Variants in MAML2 observed in about 807,000 individuals in gnomAD.
MAML2 encodes mastermind like transcriptional coactivator 2.
Under a neutral mutation model 96.1 loss-of-function variants are expected in MAML2, and 22 were observed. The observed-to-expected ratio is 0.23, with a 90% CI of 0.16 to 0.33. The LOEUF (loss-of-function observed/expected upper bound fraction) is 0.33. MAML2 is among the 10% of genes least tolerant of loss of function. The probability of loss-of-function intolerance (pLI) is 1.00; values close to 1 mark genes in which losing one functional copy is unlikely to be tolerated. For synonymous variants in MAML2, 561 were observed against 521.3 expected, an observed-to-expected ratio of 1.08 and a Z score of -1.04; for missense variants, 1,367 against 1,392.4, an observed-to-expected ratio of 0.98 and a Z score of 0.29.
chr11:96,093,193 C>A lies in MAML2; in HGVS notation c.838G>T (p.Asp280Tyr), dbSNP rs1054683770. 6 of 1,614,034 alleles carry A rather than the reference C, an allele frequency of 3.7e-6. No homozygotes were observed. The highest frequency in any genetic ancestry group is 5.1e-6 in the Non-Finnish European group (6 of 1,179,908). Residue 280 changes from aspartate (D) to tyrosine (Y), a missense_variant, in exon 2 of 5, where the codon GAT becomes TAT. Transcript: ENST00000524717. The stretch of plus-strand genomic sequence containing the variant: ...ATATTCTCTTGGGTCATTTGGCCAT[C>A]CATGTGCTTACTGCAAGACAGAGTC... ...GETLSCSKHM[D>Y]GQMTQENIFP... is the part of the protein sequence containing the mutation.
chr11:96,071,945 G>A (rs1336317286), intron 2 of MAML2, among the ~76,000 whole-genome samples: 5 of 152,312 alleles, frequency 3.3e-5, no homozygotes, highest in South Asian at 4.1e-4. Flanking sequence ...GATTGTTAGA[G>A]ATGAGTCCGT....
chr11:95,996,211 A>G (rs1407611528), intron 2 of MAML2, among the ~76,000 whole-genome samples: 1 of 152,152 alleles, frequency 6.6e-6, no homozygotes, highest in African/African-American at 2.4e-5. Flanking sequence ...AGAGACCAAA[A>G]TGTACTTAGA....
At chr11:96,171,849 C>A (rs1037551062) in intron 1 of MAML2, among the ~76,000 whole-genome samples, 3 of 152,232 alleles carry the variant, frequency 2.0e-5, no homozygotes, top group African/African-American at 7.2e-5. Flanking sequence ...AAGGCCCTTG[C>A]CTGCCACCTT....
intron 2 of MAML2, among the ~76,000 whole-genome samples, chr11:96,090,511 AC>A (rs1245171464): frequency 3.3e-5 from 5 of 152,198 alleles, no homozygotes; most frequent in Admixed American, 6.5e-5. Flanking sequence ...AAGAATTTGA[AC>A]CTACATTCAT....
chr11:96,186,207 G>A (rs912613043), intron 1 of MAML2, among the ~76,000 whole-genome samples: 9 of 152,186 alleles, frequency 5.9e-5, no homozygotes, highest in African/African-American at 2.2e-4. Flanking sequence ...TTAAATATTA[G>A]CTTTTACAAA....
chr11:96,316,123 T>C (rs1206869555), intron 1 of MAML2, among the ~76,000 whole-genome samples: 1 of 152,166 alleles, frequency 6.6e-6, no homozygotes, highest in Non-Finnish European at 1.5e-5. Flanking sequence ...CCACTTAATA[T>C]TCTAGAGGGA....
chr11:96,207,398 T>C (rs61901907), intron 1 of MAML2, among the ~76,000 whole-genome samples: 5,311 of 152,352 alleles, frequency 0.035, 137 homozygotes, highest in Middle Eastern at 0.088. Context: ...TTAATGATAT[T>C]GCTTCATCCT....
intron 2 of MAML2, among the ~76,000 whole-genome samples, chr11:96,008,199 T>G (rs80300837): frequency 0.025 from 2,967 of 118,644 alleles, 96 homozygotes; most frequent in African/African-American, 0.093. Flanking sequence ...ACGTGAACTT[T>G]TAACCTTTTT....
intron 1 of MAML2, among the ~76,000 whole-genome samples, chr11:96,326,839 T>C (rs1265660478): frequency 1.3e-5 from 2 of 152,174 alleles, no homozygotes; most frequent in South Asian, 2.1e-4. Context: ...CATCTGGTCA[T>C]TGACTTAACA....
intron 1 of MAML2, among the ~76,000 whole-genome samples, chr11:96,166,122 G>T (rs12164808): frequency 8.9e-6 from 1 of 111,782 alleles, no homozygotes; most frequent in African/African-American, 3.3e-5. Flanking sequence ...CTTCCTCTCT[G>T]TCTCTCTTTC....
chr11:96,007,346 A>G (rs2135724350), intron 2 of MAML2, among the ~76,000 whole-genome samples: 1 of 152,190 alleles, frequency 6.6e-6, no homozygotes. Context: ...TTTCTTCTAT[A>G]AAGATTTCTA....
intron 1 of MAML2, among the ~76,000 whole-genome samples, chr11:96,289,139 C>A (rs1863178310): frequency 6.6e-6 from 1 of 152,140 alleles, no homozygotes; most frequent in Admixed American, 6.5e-5. Flanking sequence ...GGAGGGACAT[C>A]AAAGCATTTA....
chr11:96,075,163 T>C (rs1859414431), intron 2 of MAML2, among the ~76,000 whole-genome samples: 1 of 152,248 alleles, frequency 6.6e-6, no homozygotes, highest in South Asian at 2.1e-4. Context: ...ATTGATAATA[T>C]TTCATGTTTT....
At chr11:96,049,579 T>A (rs1648692221) in intron 2 of MAML2, among the ~76,000 whole-genome samples, 1 of 152,190 alleles carries the variant, frequency 6.6e-6, no homozygotes, top group Non-Finnish European at 1.5e-5. Flanking sequence ...TTGGCTCCAC[T>A]ATGTATAGCT....
At chr11:96,266,853 T>C (rs1292296698) in intron 1 of MAML2, among the ~76,000 whole-genome samples, 1 of 152,208 alleles carries the variant, frequency 6.6e-6, no homozygotes, top group African/African-American at 2.4e-5. Flanking sequence ...TGGTTAATAA[T>C]GAGCCCCTTC....
intron 2 of MAML2, among the ~76,000 whole-genome samples, chr11:96,064,854 C>T (rs1307613179): frequency 6.6e-6 from 1 of 152,176 alleles, no homozygotes. Context: ...TTAACATAAT[C>T]TTGGAAACAA....
chr11:96,011,633 G>A (rs1272278875), intron 2 of MAML2, among the ~76,000 whole-genome samples: 1 of 152,080 alleles, frequency 6.6e-6, no homozygotes, highest in Non-Finnish European at 1.5e-5. Flanking sequence ...TCACTATTTG[G>A]GTGACGGGAT....
At chr11:96,049,820 A>T (rs1858962535) in intron 2 of MAML2, among the ~76,000 whole-genome samples, 1 of 152,202 alleles carries the variant, frequency 6.6e-6, no homozygotes, top group South Asian at 2.1e-4. Context: ...GAAATCTCTA[A>T]CACCTCATTA....
intron 1 of MAML2, among the ~76,000 whole-genome samples, chr11:96,291,003 T>C (rs1259543970): frequency 6.7e-6 from 1 of 149,436 alleles, no homozygotes; most frequent in Non-Finnish European, 1.5e-5. Flanking sequence ...TGAATCTGTC[T>C]AACTTCTAAA....
Sources: allele counts gnomAD v4.1 joint callset (sites outside exome capture counted in the v4.1 genomes callset), GRCh38; gene constraint gnomAD v4.1.1; transcripts MANE v1.5; gene names NCBI Gene and HGNC (gene_info 2026-07-23, HGNC 2026-07-21).